Variants in CBLB observed in about 807,000 individuals in gnomAD.
CBLB encodes the protein Cbl proto-oncogene B, also known as E3 ubiquitin-protein ligase CBL-B.
In CBLB, 31 loss-of-function variants were observed where a neutral mutation model predicts 104.9. The ratio of observed to expected loss-of-function variants is 0.30; its 90% CI spans 0.22 to 0.40. The LOEUF (loss-of-function observed/expected upper bound fraction) is 0.40. Ranked by LOEUF, CBLB falls within the 10% of genes least tolerant of loss-of-function variation. The pLI is 1.00. For missense variants in CBLB, 1,062 were observed against 1,214.6 expected, an observed-to-expected ratio of 0.87 and a Z score of 1.87; for synonymous variants, 440 against 422.6, an observed-to-expected ratio of 1.04 and a Z score of -0.51.
At position 105,665,412 on chromosome 3, in the gene CBLB, AATAAAT is replaced by A. The variant is rs1470684930; in HGVS notation, c.2689+4815_2689+4820del. 1.9e-4 allele frequency among the ~76,000 whole-genome samples: 14 copies of A among 74,784 alleles called. No individual in the cohort carries two copies. In the East Asian group the frequency reaches 1.9e-3, roughly 10 times the overall value. 49.1% of individuals were successfully genotyped at this position (74,784 alleles called of 152,430 possible). On this transcript the variant is annotated intron_variant, in intron 18 of 18. Transcript: ENST00000394030. ...AAAAAAATAAATAAATAAATAAATAAATAAATATATATATATATATATATATATATA... is the reference window on the plus strand; with the variant it reads ...AAAAAAATAAATAAATAAATAAATAAATATATATATATATATATATATATA...
At chr3:105,822,190 T>C (rs755742520) in intron 3 of CBLB, among the ~76,000 whole-genome samples, 3 of 152,120 alleles carry the variant, frequency 2.0e-5, no homozygotes, top group Non-Finnish European at 4.4e-5. Flanking sequence ...GTTGAACCAA[T>C]GTATCAACAA....
intron 4 of CBLB, among the ~76,000 whole-genome samples, chr3:105,771,224 G>T (rs7615115): frequency 0.63 from 96,011 of 151,918 alleles, 30,628 homozygotes; most frequent in Middle Eastern, 0.74. Flanking sequence ...GAGATACAAG[G>T]ACAGTTTAAC....
intron 3 of CBLB, among the ~76,000 whole-genome samples, chr3:105,852,564 AT>A (rs1052521695): frequency 2.6e-5 from 4 of 152,042 alleles, no homozygotes; most frequent in African/African-American, 9.7e-5. Context: ...TGGAAAAGAA[AT>A]TTTTTTTATA....
rs536017608 is a variant in CBLB, at chr3:105,683,123, T to C, written c.2202-1305A>G. ...CCACTTCTCTTTAAGGGGCCAGATA[T>C]AGTTCATTTAAAAATAGTTATCATG... On this transcript the variant is annotated intron_variant, in intron 14 of 18. Transcript: ENST00000394030. Among the ~76,000 whole-genome samples, 10 of 152,354 alleles carry C rather than the reference T, an allele frequency of 6.6e-5. No homozygotes were observed. The East Asian group carries it at 1.7e-3, about 26-fold the overall frequency.
chr3:105,723,305 A>G (rs1576618266), intron 9 of CBLB, among the ~76,000 whole-genome samples: 1 of 152,190 alleles, frequency 6.6e-6, no homozygotes, highest in East Asian at 1.9e-4. Context: ...ATGGAGAATA[A>G]AGACCAATAA....
chr3:105,759,798 C>A (rs1380768397), intron 4 of CBLB, among the ~76,000 whole-genome samples: 1 of 152,170 alleles, frequency 6.6e-6, no homozygotes, highest in Non-Finnish European at 1.5e-5. Context: ...AGGTCCATAG[C>A]TGCAGCTGCT....
At chr3:105,661,875 G>T (rs1036222165) in intron 18 of CBLB, among the ~76,000 whole-genome samples, 23 of 152,128 alleles carry the variant, frequency 1.5e-4, no homozygotes, top group African/African-American at 5.3e-4. Flanking sequence ...TATATGGACT[G>T]AGGAGACCAT....
rs1001266989 is a variant in CBLB, at chr3:105,867,457, C to G, written c.121G>C (p.Ala41Pro). ...GTCTTCTCCACGGTCCTGCGATCTG[C>G]GGCAGCTTGCTTAGGGGGTCCAACT... ...DAVGPPKQAA[A>P]DRRTVEKTWK... Residue 41 changes from alanine (A) to proline (P), a missense_variant, in exon 2 of 19, where the codon GCA becomes CCA. Transcript: ENST00000394030. 3 of 1,614,172 alleles carry G rather than the reference C, an allele frequency of 1.9e-6. No individual in the cohort carries two copies. The highest frequency in any genetic ancestry group is 1.7e-6 in the Non-Finnish European group (2 of 1,180,022).
At chr3:105,676,236 G>C (rs1290995807) in intron 17 of CBLB, among the ~76,000 whole-genome samples, 1 of 152,012 alleles carries the variant, frequency 6.6e-6, no homozygotes, top group African/African-American at 2.4e-5. Context: ...TTGCATTTTA[G>C]CTAATAAGAG....
At chr3:105,852,363 GTGTT>G (rs1393927649) in intron 3 of CBLB, among the ~76,000 whole-genome samples, 2 of 152,068 alleles carry the variant, frequency 1.3e-5, no homozygotes, top group African/African-American at 4.8e-5. Flanking sequence ...GCTAATGTGT[GTGTT>G]TGTGTCTTAG....
intron 12 of CBLB, among the ~76,000 whole-genome samples, chr3:105,693,975 T>A (rs2068031526): frequency 6.6e-6 from 1 of 152,016 alleles, no homozygotes; most frequent in African/African-American, 2.4e-5. Context: ...ATTCTTTTTT[T>A]AATTCCTTCC....
Position 105,868,779 on chromosome 3 carries a change from C to T in CBLB, c.-58G>A, listed in dbSNP as rs555167188. The T allele has an allele frequency of 1.5e-4, 148 of 989,266 alleles. No homozygotes were observed. In the African/African-American group the frequency reaches 2.3e-3, roughly 15 times the overall value. The allele number at this position is 989,266 out of a possible 1,614,324, so 61.3% of individuals were successfully genotyped here. A position where few individuals can be genotyped will look rare whatever the true frequency, so the allele number is the denominator to read the frequency against. ...TCCAGAGACACGCGTGTGCGCGGGT[C>T]CCACTCCACACGCACGCAGCCCAGT... On this transcript the variant is annotated 5_prime_UTR_variant, in exon 1 of 19. Transcript: ENST00000394030.
At chr3:105,679,876 CAA>C (rs780927300) in intron 16 of CBLB, among the ~76,000 whole-genome samples, 1 of 152,044 alleles carries the variant, frequency 6.6e-6, no homozygotes, top group Non-Finnish European at 1.5e-5. Context: ...TGAAGATGCA[CAA>C]GACAGAGTTT....
At chr3:105,679,961 T>A (rs529135282) in intron 16 of CBLB, among the ~76,000 whole-genome samples, 1 of 152,136 alleles carries the variant, frequency 6.6e-6, no homozygotes, top group South Asian at 2.1e-4. Context: ...CCCTTAAACA[T>A]CTGACACTGG....
chr3:105,731,069 T>C (rs2074262921), intron 9 of CBLB, among the ~76,000 whole-genome samples: 1 of 152,160 alleles, frequency 6.6e-6, no homozygotes, highest in Non-Finnish European at 1.5e-5. Flanking sequence ...TAAAAAATCA[T>C]GAAATAATTC....
intron 12 of CBLB, among the ~76,000 whole-genome samples, chr3:105,696,021 ATG>A (rs150371419): frequency 0.022 from 3,372 of 151,754 alleles, 86 homozygotes; most frequent in East Asian, 0.12. Flanking sequence ...CTCAGCAAAT[ATG>A]TGTGAGTATA....
intron 6 of CBLB, among the ~76,000 whole-genome samples, chr3:105,741,102 T>TTG (rs1560039541): frequency 6.9e-6 from 1 of 145,288 alleles, no homozygotes; most frequent in African/African-American, 2.6e-5. Context: ...AGGGTTTTTT[T>TTG]TTTTTTTTTT....
chr3:105,847,650 G>A (rs1176917964), intron 3 of CBLB, among the ~76,000 whole-genome samples: 1 of 151,780 alleles, frequency 6.6e-6, no homozygotes, highest in African/African-American at 2.4e-5. Flanking sequence ...GTGTAGGAGG[G>A]GAAAATGGGT....
At chr3:105,802,387 A>G (rs1308133942) in intron 3 of CBLB, among the ~76,000 whole-genome samples, 1 of 152,184 alleles carries the variant, frequency 6.6e-6, no homozygotes, top group African/African-American at 2.4e-5. Flanking sequence ...TCCCTAGGTC[A>G]CCATTAGACT....
Sources: gnomAD v4.1 joint callset for allele counts (sites outside exome capture counted in the v4.1 genomes callset) on GRCh38, gnomAD v4.1.1 for gene constraint, MANE v1.5 for transcripts, NCBI Gene and HGNC (gene_info 2026-07-23, HGNC 2026-07-21) for gene names.